CDK11B: variants seen among roughly 807,000 people sequenced by gnomAD.
CDK11B encodes the protein cyclin-dependent kinase 11B.
In CDK11B, 37 loss-of-function variants were observed where a neutral mutation model predicts 84.0. That is an observed-to-expected ratio of 0.44 (90% CI 0.34 to 0.58). CDK11B has a LOEUF of 0.58. Among genes scored for constraint, CDK11B ranks in the 20% least tolerant of loss-of-function variants. CDK11B has a pLI of 0.02. For synonymous variants in CDK11B, 269 were observed against 309.8 expected, an observed-to-expected ratio of 0.87 and a Z score of 1.38; for missense variants, 427 against 834.0, an observed-to-expected ratio of 0.51 and a Z score of 6.01.
chr1:1,651,944 T>A (rs1309937635), intron 4 of CDK11B, among the ~76,000 whole-genome samples: 1 of 151,562 alleles, frequency 6.6e-6, no homozygotes, highest in Non-Finnish European at 1.5e-5. Context: ...GACACACACA[T>A]GCTTTTAGCT....
rs1641622461 is a variant in CDK11B, at chr1:1,649,596, G to A, written c.397C>T (p.Arg133Cys). The A allele has an allele frequency of 1.9e-6, 3 of 1,608,134 alleles. No individual in the cohort carries two copies. Among genetic ancestry groups the A allele is most frequent in the Non-Finnish European group, 2.6e-6 (3 of 1,174,944 alleles). Residue 133 changes from arginine (R) to cysteine (C), a missense_variant, in exon 5 of 20, where the codon CGT (arginine) becomes TGT (cysteine). Physicochemically the swap from Arg to Cys is radical, Grantham distance 180. Coordinates refer to ENST00000341832, the MANE Select transcript of CDK11B (RefSeq NM_033486.3). ...TGTTCTTCTCGATGCCGTTTCCGAC[G>A]TTCGTGCTCTCTTTCTTTTTCTTTC... ...RVKEKEREHERRKRHREEQDK... is the reference protein window; with the variant it reads ...RVKEKEREHECRKRHREEQDK...
intron 4 of CDK11B, among the ~76,000 whole-genome samples, chr1:1,650,133 G>A (rs1166830149): frequency 6.6e-6 from 1 of 150,644 alleles, no homozygotes; most frequent in African/African-American, 2.4e-5. Flanking sequence ...AGCTGGGTGT[G>A]GTGGCGGGCA....
At chr1:1,640,870 G>C (rs1640182809) in intron 10 of CDK11B, among the ~76,000 whole-genome samples, 178 bp downstream of exon 10, 1 of 150,814 alleles carries the variant, frequency 6.6e-6, no homozygotes, top group African/African-American at 2.4e-5. Context: ...CCCTTGGTCA[G>C]CACTGTGCCT....
chr1:1,656,670 G>T (rs1249452754), intron 2 of CDK11B, among the ~76,000 whole-genome samples: 3 of 152,006 alleles, frequency 2.0e-5, no homozygotes, highest in African/African-American at 7.2e-5. Flanking sequence ...GGCCCCTGTA[G>T]TCCCAGCTAC....
At chr1:1,646,913 C>CT (rs1181905001) in intron 5 of CDK11B, 2 of 519,912 alleles carry the variant, frequency 3.8e-6, no homozygotes, top group African/African-American at 3.8e-5. Flanking sequence ...TCATTCTTCT[C>CT]TGAGGCCTTT....
chr1:1,640,568 T>G (rs542435001), intron 10 of CDK11B, 116 bp from the exon 11 acceptor site: 22,194 of 1,270,332 alleles, frequency 0.017, 94 homozygotes, highest in South Asian at 0.026. Context: ...TGGGAGGTGC[T>G]GGCGCTGGGC....
Position 1,636,470 on chromosome 1 carries a change from G to T in CDK11B, c.1929C>A (p.Thr643=). The T allele has an allele frequency of 6.2e-7, 1 of 1,612,324 alleles. No individual in the cohort carries two copies. The highest frequency in any genetic ancestry group is 2.2e-5 in the East Asian group (1 of 44,842). The change falls in exon 18 of 20, where the codon ACC becomes ACA. Residue 643 remains threonine, a synonymous_variant. Transcript: ENST00000341832. ...AGCCGGGCCAGATTTTCTCACTAGG[G>T]GTCCCCAGATCCTGAAAGACAGAGG... ...QINKVFKDLG[T]PSEKIWPGYS... is the part of the protein sequence containing the mutation.
intron 2 of CDK11B, among the ~76,000 whole-genome samples, chr1:1,657,010 T>C (rs1037532779): frequency 1.3e-5 from 2 of 152,218 alleles, no homozygotes; most frequent in African/African-American, 4.8e-5. Flanking sequence ...CCAAGAAAGA[T>C]GTAAAATATT....
Position 1,655,465 on chromosome 1 carries a change from T to G in CDK11B, c.131A>C (p.Lys44Thr). 6.2e-7 allele frequency: 1 copy of G among 1,611,308 alleles called. No individual in the cohort carries two copies. Among genetic ancestry groups the G allele is most frequent in the Non-Finnish European group, 8.5e-7 (1 of 1,177,598 alleles). The change falls in exon 3 of 20, where the codon AAG becomes ACG. Residue 44 changes from lysine to threonine, a missense_variant. Around this residue, in one of 12 missense-constraint regions of CDK11B, gnomAD observed 57 missense variants for 62.2 expected, o/e 0.92. Coordinates refer to ENST00000341832, the MANE Select transcript of CDK11B (RefSeq NM_033486.3). ...CTCCCCCTCCTCAAGGGAATCCCGC[T>G]TGGAATCCCGGTCATCAGACTAAGA... The part of the protein sequence containing the change: ...RLKNSDDRDS[K>T]RDSLEEGELR...
chr1:1,637,255 C>T (rs1639489637), intron 14 of CDK11B, 53 bp from the exon 15 acceptor site: 3 of 1,603,510 alleles, frequency 1.9e-6, no homozygotes, highest in South Asian at 1.1e-5. Context: ...GCCCAGGGCA[C>T]TCAGGGTGGC....
intron 4 of CDK11B, among the ~76,000 whole-genome samples, chr1:1,649,941 A>C (rs1186909944): frequency 6.9e-6 from 1 of 144,604 alleles, no homozygotes; most frequent in Non-Finnish European, 1.5e-5. Context: ...ACGCCACTGC[A>C]CTACAGCCTG....
intron 3 of CDK11B, among the ~76,000 whole-genome samples, 189 bp from the exon 4 acceptor site, chr1:1,652,755 C>T (rs1334118154): frequency 6.6e-6 from 1 of 152,108 alleles, no homozygotes; most frequent in Non-Finnish European, 1.5e-5. Context: ...TTTTTTTAGA[C>T]AGTCTCGCTC....
intron 3 of CDK11B, among the ~76,000 whole-genome samples, chr1:1,653,318 C>T (rs796245829): frequency 1.3e-5 from 2 of 152,022 alleles, no homozygotes; most frequent in Non-Finnish European, 2.9e-5. Flanking sequence ...CCACCGCACC[C>T]AGCTTTATTT....
intron 5 of CDK11B, among the ~76,000 whole-genome samples, chr1:1,649,152 T>G (rs2100902899): frequency 6.6e-6 from 1 of 152,134 alleles, no homozygotes; most frequent in East Asian, 1.9e-4. Flanking sequence ...CAGGCTGGAG[T>G]GCAGTGGCGG....
At chr1:1,653,888 A>G (rs1275074468) in intron 3 of CDK11B, among the ~76,000 whole-genome samples, 3 of 150,766 alleles carry the variant, frequency 2.0e-5, no homozygotes, top group African/African-American at 4.9e-5. Context: ...GCATGCCTGT[A>G]ATCCCAGCTA....
chr1:1,658,159 CA>C (rs201470198), intron 1 of CDK11B, among the ~76,000 whole-genome samples: 5 of 119,834 alleles, frequency 4.2e-5, no homozygotes, highest in East Asian at 2.7e-4. Context: ...GACCCCGTCT[CA>C]AAAAAAAAAG....
intron 5 of CDK11B, among the ~76,000 whole-genome samples, chr1:1,647,180 A>G (rs1279367428): frequency 7.3e-6 from 1 of 137,518 alleles, no homozygotes. Flanking sequence ...TTCAGAATGG[A>G]TAATTTCTAC....
chr1:1,637,810 C>T lies in CDK11B; in HGVS notation c.1416G>A (p.Glu472=). The T allele has an allele frequency of 3.7e-6, 6 of 1,613,772 alleles. No homozygotes were observed. The South Asian group carries it at 5.5e-5, about 15-fold the overall frequency. Reference sequence around the variant, plus strand: ...GCTGGGCCTTGAGGATGGTGTTGATCTCCCTCAGCGACGTGATCGGGAAGC... The same window carrying T: ...GCTGGGCCTTGAGGATGGTGTTGATTTCCCTCAGCGACGTGATCGGGAAGC... The part of the protein sequence containing the change: ...KEGFPITSLR[E]INTILKAQHP... The change falls in exon 13 of 20, where the codon GAG becomes GAA. Residue 472 remains glutamate (E), a synonymous_variant. Coordinates refer to ENST00000341832, the MANE Select transcript of CDK11B (RefSeq NM_033486.3).
At chr1:1,655,620 T>A in intron 2 of CDK11B, 136 bp from the exon 3 acceptor site, 1 of 1,334,610 alleles carries the variant, frequency 7.5e-7, no homozygotes, top group Non-Finnish European at 9.9e-7. Flanking sequence ...TGAGCCAGTG[T>A]TATAAAATAT....
Sources: allele counts gnomAD v4.1 joint callset (sites outside exome capture counted in the v4.1 genomes callset), GRCh38; gene constraint gnomAD v4.1.1; regional missense constraint gnomAD v4.1.1; transcripts MANE v1.5; gene names NCBI Gene and HGNC (gene_info 2026-07-23, HGNC 2026-07-21).